CNOT9: variants seen among roughly 807,000 people sequenced by gnomAD.
CNOT9 encodes RCD1 required for cell differentiation1 homolog.
CNOT9 carries 8 observed loss-of-function variants against 37.4 expected under a neutral mutation model. The observed-to-expected ratio is 0.21, with a 90% confidence interval of 0.13 to 0.39. CNOT9 has a LOEUF of 0.39. Ranked by LOEUF, CNOT9 falls within the 10% of genes least tolerant of loss-of-function variation. CNOT9 has a pLI of 1.00. For missense variants in CNOT9, 154 were observed against 365.3 expected (o/e 0.42, Z 4.71); for synonymous variants, 120 against 137.6 (o/e 0.87, Z 0.90).
chr2:218,569,896 C>G (rs1693916974), intron 1 of CNOT9, among the ~76,000 whole-genome samples: 1 of 152,350 alleles, frequency 6.6e-6, no homozygotes, highest in South Asian at 2.1e-4. Context: ...AAATCGGTCT[C>G]AGAGTGGCCT....
In CNOT9 at chr2:218,594,419, CT is replaced by C. The variant is rs1411192375; in HGVS notation, c.*144del. On this transcript the variant is annotated 3_prime_UTR_variant, in exon 8 of 8. Coordinates refer to ENST00000273064, the MANE Select transcript of CNOT9 (RefSeq NM_005444.3). The stretch of plus-strand genomic sequence containing the variant: ...ACTGGAGAAAAGGGGCAAGGTACCC[CT>C]GCTGAGGTGTATGGGCTGCCATCTC... 6 of 936,520 alleles carry C rather than the reference CT, an allele frequency of 6.4e-6. No individual in the cohort carries two copies. Among genetic ancestry groups the C allele is most frequent in the Non-Finnish European group, 9.4e-6 (6 of 638,846 alleles). 58.0% of individuals were successfully genotyped at this position (936,520 alleles called of 1,614,324 possible).
chr2:218,570,214 A>G (rs556127829), intron 1 of CNOT9, among the ~76,000 whole-genome samples: 36 of 152,336 alleles, frequency 2.4e-4, no homozygotes, highest in Non-Finnish European at 4.3e-4. Context: ...CTGAAGACCA[A>G]TTCTGCTTTT....
At chr2:218,571,738 A>ATTTT (rs34883423) in intron 1 of CNOT9, among the ~76,000 whole-genome samples, 16 of 122,790 alleles carry the variant, frequency 1.3e-4, no homozygotes, top group African/African-American at 4.7e-4. Context: ...CGCCTGGCTA[A>ATTTT]TTTTTTTTTT....
chr2:218,586,320 C>G (rs760898372), intron 4 of CNOT9, among the ~76,000 whole-genome samples: 3 of 152,112 alleles, frequency 2.0e-5, no homozygotes, highest in Non-Finnish European at 4.4e-5. Context: ...TAGATGAGGA[C>G]ATGGCCCTCA....
intron 1 of CNOT9, among the ~76,000 whole-genome samples, chr2:218,569,433 A>G (rs567375341): frequency 1.5e-4 from 23 of 152,326 alleles, no homozygotes; most frequent in African/African-American, 5.5e-4. Context: ...GAGGCCCGGA[A>G]AAGTGCATAA....
At chr2:218,582,205 T>C (rs1027340869) in intron 2 of CNOT9, among the ~76,000 whole-genome samples, 3 of 152,254 alleles carry the variant, frequency 2.0e-5, no homozygotes, top group African/African-American at 7.2e-5. Context: ...CTTACCATGT[T>C]ACTACCTAAC....
In CNOT9 at chr2:218,584,597, A is replaced by G; in HGVS notation, c.321-15A>G. On this transcript the variant is annotated splice_polypyrimidine_tract_variant and intron_variant, in intron 3 of 7. Coordinates refer to ENST00000273064, the MANE Select transcript of CNOT9 (RefSeq NM_005444.3). ...TCAACCCTGGGCTGTGAATGTAATT[A>G]TTGTTTTCTTCCAGGTCAGCGTTTC... 6.3e-7 allele frequency: 1 copy of G among 1,585,234 alleles called. No homozygotes were observed. The highest frequency in any genetic ancestry group is 1.1e-5 in the South Asian group (1 of 90,448).
At chr2:218,587,765 TTTTCTCTCTTC>T in intron 5 of CNOT9, 70 bp downstream of exon 5, 1 of 664,916 alleles carries the variant, frequency 1.5e-6, no homozygotes, top group Non-Finnish European at 2.3e-6. Context: ...CCTGGGATCA[TTTTCTCTCTTC>T]AAGCTTTTGA....
intron 5 of CNOT9, among the ~76,000 whole-genome samples, chr2:218,590,208 C>T (rs1439146765): frequency 2.0e-5 from 3 of 152,156 alleles, no homozygotes; most frequent in Non-Finnish European, 2.9e-5. Context: ...GTTGGAACTA[C>T]AGGCACACAC....
intron 1 of CNOT9, among the ~76,000 whole-genome samples, chr2:218,576,232 T>G (rs1409606038): frequency 6.6e-6 from 1 of 152,128 alleles, no homozygotes; most frequent in Non-Finnish European, 1.5e-5. Context: ...ACATTTTGAG[T>G]TTTGGTGTTT....
chr2:218,585,247 A>G (rs1328096991), intron 4 of CNOT9, among the ~76,000 whole-genome samples: 1 of 145,436 alleles, frequency 6.9e-6, no homozygotes, highest in Admixed American at 6.9e-5. Context: ...TCTTACTTCT[A>G]ATACCGGAAT....
chr2:218,575,690 A>G (rs1694142894), intron 1 of CNOT9, among the ~76,000 whole-genome samples: 1 of 152,138 alleles, frequency 6.6e-6, no homozygotes, highest in African/African-American at 2.4e-5. Context: ...GGCGTGAGCC[A>G]CCGTGCCGGA....
chr2:218,569,076 T>G, intron 1 of CNOT9, 98 bp downstream of exon 1: 1 of 1,355,720 alleles, frequency 7.4e-7, no homozygotes, highest in Non-Finnish European at 1.0e-6. Flanking sequence ...CCTAGTCTGA[T>G]TTTTTTCTGC....
Position 218,568,851 on chromosome 2 carries a change from G to C in CNOT9, c.-104G>C. The C allele has an allele frequency of 3.7e-6, 5 of 1,355,646 alleles. No homozygotes were observed. Among genetic ancestry groups the C allele is most frequent in the Non-Finnish European group, 5.1e-6 (5 of 977,872 alleles). 84.0% of individuals were successfully genotyped at this position (1,355,646 alleles called of 1,614,324 possible). A position where few individuals can be genotyped will look rare whatever the true frequency, so the allele number is the denominator to read the frequency against. ...AAGTGGGCGGAGCGAGCCGGAGTCG[G>C]ATGGCGGCTACGGCGGCTCATTGTT... On this transcript the variant is annotated 5_prime_UTR_variant, in exon 1 of 8. Transcript: ENST00000273064.
At position 218,587,583 on chromosome 2, in the gene CNOT9, T is replaced by C. The variant is rs1435846728; in HGVS notation, c.431-3T>C. 2.5e-6 allele frequency: 4 copies of C among 1,581,106 alleles called. No homozygotes were observed. Among genetic ancestry groups the C allele is most frequent in the Non-Finnish European group, 3.4e-6 (4 of 1,163,956 alleles). The stretch of plus-strand genomic sequence containing the variant: ...TAATTTTGTTTGTCCTTATTTTCTT[T>C]AGGGGCCCTGGTGAAAACAGATGAA... On this transcript the variant is annotated splice_polypyrimidine_tract_variant and splice_region_variant and intron_variant, in intron 4 of 7. Coordinates refer to ENST00000273064, the MANE Select transcript of CNOT9 (RefSeq NM_005444.3).
chr2:218,582,458 A>G (rs907025365), intron 2 of CNOT9, among the ~76,000 whole-genome samples: 2 of 152,218 alleles, frequency 1.3e-5, no homozygotes, highest in African/African-American at 4.8e-5. Context: ...TGGGAGGCCG[A>G]GACGGGCAGA....
At chr2:218,570,565 G>A (rs508157) in intron 1 of CNOT9, among the ~76,000 whole-genome samples, 70,716 of 152,066 alleles carry the variant, frequency 0.47, 19,580 homozygotes, top group East Asian at 0.78. Context: ...GTAACGTGGG[G>A]AAAAGCAAGT....
chr2:218,590,256 A>G (rs1043529845), intron 5 of CNOT9, among the ~76,000 whole-genome samples: 1 of 152,178 alleles, frequency 6.6e-6, no homozygotes, highest in Non-Finnish European at 1.5e-5. Flanking sequence ...TTTAGTAGAG[A>G]TGGAGTTTCG....
intron 2 of CNOT9, chr2:218,581,216 T>G (rs1291158793): frequency 1.8e-5 from 5 of 281,080 alleles, no homozygotes; most frequent in Non-Finnish European, 3.6e-5. Flanking sequence ...TCGCCCAGAC[T>G]AGAGTGCAAT....
Sources: allele counts gnomAD v4.1 joint callset (sites outside exome capture counted in the v4.1 genomes callset), GRCh38; gene constraint gnomAD v4.1.1; transcripts MANE v1.5; gene names NCBI Gene and HGNC (gene_info 2026-07-23, HGNC 2026-07-21).